Variants in MIER1 observed in about 807,000 individuals in gnomAD.
MIER1 encodes the protein mesoderm induction early response protein 1.
MIER1 carries 40 observed loss-of-function variants against 75.7 expected under a neutral mutation model. The ratio of observed to expected loss-of-function variants is 0.53; its 90% confidence interval spans 0.41 to 0.69. The LOEUF is 0.69. Among genes scored for constraint, MIER1 ranks in the 30% least tolerant of loss-of-function variants. The probability of loss-of-function intolerance (pLI) is 0.00; values close to 1 mark genes in which losing one functional copy is unlikely to be tolerated. For missense variants in MIER1, 574 were observed against 680.2 expected (o/e 0.84, Z 1.74); for synonymous variants, 213 against 223.4 (o/e 0.95, Z 0.42).
At chr1:66,955,143 T>A (rs1246874983) in intron 4 of MIER1, among the ~76,000 whole-genome samples, 1 of 152,150 alleles carries the variant, frequency 6.6e-6, no homozygotes, top group Non-Finnish European at 1.5e-5. Flanking sequence ...TTCCATGTAG[T>A]TAGTATGTCA....
chr1:66,968,713 C>A (rs954696981), intron 8 of MIER1, among the ~76,000 whole-genome samples: 4 of 152,184 alleles, frequency 2.6e-5, no homozygotes, highest in African/African-American at 7.2e-5. Flanking sequence ...CTCCTTTGGA[C>A]TTGTATCTGT....
At chr1:66,953,590 C>A (rs1005153245) in intron 4 of MIER1, among the ~76,000 whole-genome samples, 2 of 143,072 alleles carry the variant, frequency 1.4e-5, no homozygotes, top group African/African-American at 5.2e-5. Context: ...TAAGCATTTT[C>A]TTTTCCTTTT....
intron 4 of MIER1, among the ~76,000 whole-genome samples, chr1:66,951,331 G>A (rs185817640): frequency 6.6e-6 from 1 of 152,038 alleles, no homozygotes; most frequent in Non-Finnish European, 1.5e-5. Context: ...GTCTTGCTCT[G>A]TTGCCCAGGC....
chr1:66,969,852 G>A (rs1332071219), intron 8 of MIER1, among the ~76,000 whole-genome samples: 1 of 152,054 alleles, frequency 6.6e-6, no homozygotes, highest in Non-Finnish European at 1.5e-5. Context: ...TTATTCTTCA[G>A]TCTTATCCAA....
At chr1:66,978,348 A>G (rs1665184769) in intron 12 of MIER1, among the ~76,000 whole-genome samples, 1 of 152,172 alleles carries the variant, frequency 6.6e-6, no homozygotes, top group Non-Finnish European at 1.5e-5. Flanking sequence ...CCCACAGTAA[A>G]ACAATCTGAA....
chr1:66,959,296 C>G (rs192466306), intron 6 of MIER1, among the ~76,000 whole-genome samples: 1 of 151,964 alleles, frequency 6.6e-6, no homozygotes, highest in East Asian at 1.9e-4. Flanking sequence ...TTTTTACTTT[C>G]TTTGCCTCTT....
intron 8 of MIER1, among the ~76,000 whole-genome samples, chr1:66,964,990 G>C (rs1407838778): frequency 6.6e-6 from 1 of 152,116 alleles, no homozygotes; most frequent in Non-Finnish European, 1.5e-5. Flanking sequence ...GCAGTCAAGG[G>C]AACATCACAG....
intron 4 of MIER1, chr1:66,946,919 C>A: frequency 1.0e-6 from 1 of 985,214 alleles, no homozygotes; most frequent in Non-Finnish European, 1.2e-6. Flanking sequence ...TATTCAGTAT[C>A]TTTTGCAGAC....
chr1:66,925,214 G>A (rs1651226569), intron 1 of MIER1, 119 bp downstream of exon 1: 1 of 1,395,314 alleles, frequency 7.2e-7, no homozygotes, highest in Non-Finnish European at 9.3e-7. Flanking sequence ...TGTACCGCCC[G>A]GAAGACCCTT....
chr1:66,929,881 A>G (rs573946206), intron 2 of MIER1, among the ~76,000 whole-genome samples: 1 of 152,364 alleles, frequency 6.6e-6, no homozygotes, highest in South Asian at 2.1e-4. Flanking sequence ...TCACAGCAAC[A>G]TCCGTTTTTC....
chr1:66,969,043 T>C (rs527333167), intron 8 of MIER1, among the ~76,000 whole-genome samples: 1 of 152,280 alleles, frequency 6.6e-6, no homozygotes, highest in South Asian at 2.1e-4. Flanking sequence ...CCAGATTCAT[T>C]TTATCATGGT....
intron 2 of MIER1, chr1:66,930,171 G>C (rs1318327386): frequency 1.6e-6 from 2 of 1,289,970 alleles, no homozygotes; most frequent in Admixed American, 8.6e-5. Context: ...GTGCTCGCTG[G>C]TCTTTTCCCT....
At chr1:66,975,670 A>G (rs1174088885) in intron 11 of MIER1, among the ~76,000 whole-genome samples, 1 of 152,192 alleles carries the variant, frequency 6.6e-6, no homozygotes, top group African/African-American at 2.4e-5. Context: ...TGTCAGCATC[A>G]TTTAATTCCG....
At chr1:66,978,386 T>G (rs1377453149) in intron 12 of MIER1, among the ~76,000 whole-genome samples, 1 of 152,176 alleles carries the variant, frequency 6.6e-6, no homozygotes, top group East Asian at 1.9e-4. Flanking sequence ...GATTCACCCT[T>G]GGAAATCATG....
rs564245420 is a variant in MIER1, at chr1:66,958,204, G to T, written c.485G>T (p.Cys162Phe). ...EDADNDDNSG[C>F]SGENKEENIK... is the part of the protein sequence containing the mutation. ...GCTGATAATGATGACAACAGTGGCT[G>T]TAGTGGGGAAAATAAAGTAAGTCTA... The change falls in exon 5 of 14, where the codon TGT becomes TTT. Residue 162 changes from cysteine to phenylalanine, a missense_variant. Cys to Phe is a radical substitution (Grantham distance 205). This residue lies in a region of MIER1 where 309 missense variants were observed against 352.8 expected (regional missense o/e 0.88). Coordinates refer to ENST00000401041, the MANE Select transcript of MIER1 (RefSeq NM_001077700.3). 1 of 1,601,926 alleles carries T rather than the reference G, an allele frequency of 6.2e-7. No homozygotes were observed. The highest frequency in any genetic ancestry group is 8.5e-7 in the Non-Finnish European group (1 of 1,169,744).
chr1:66,950,812 C>T (rs1362808520), intron 4 of MIER1, among the ~76,000 whole-genome samples: 2 of 139,100 alleles, frequency 1.4e-5, no homozygotes, highest in Non-Finnish European at 3.1e-5. Flanking sequence ...AGCCCCAGCC[C>T]CAAGAGATTG....
chr1:66,941,368 C>T (rs1319394000), intron 3 of MIER1, among the ~76,000 whole-genome samples: 1 of 151,704 alleles, frequency 6.6e-6, no homozygotes, highest in African/African-American at 2.4e-5. Context: ...TGGGAGTAAT[C>T]TGGTCTTAGA....
intron 3 of MIER1, 85 bp downstream of exon 3, chr1:66,940,137 T>C: frequency 1.1e-6 from 1 of 951,984 alleles, no homozygotes; most frequent in Non-Finnish European, 1.6e-6. Flanking sequence ...AGTTAGACTA[T>C]TATCTGACTT....
At position 66,987,744 on chromosome 1, in the gene MIER1, C is replaced by G. The variant is rs909758767; in HGVS notation, c.*2844C>G. On this transcript the variant is annotated 3_prime_UTR_variant, in exon 14 of 14. Coordinates refer to ENST00000401041, the MANE Select transcript of MIER1 (RefSeq NM_001077700.3). ...TTTATTAGAGATTGTTTGAATGATG[C>G]ATGTTATTGACAAGGCAAATATATA... is the stretch of plus-strand genomic sequence containing the variant. 23 of 151,708 alleles carry G rather than the reference C, an allele frequency of 1.5e-4. No individual in the cohort carries two copies. Among genetic ancestry groups the G allele is most frequent in the African/African-American group, 5.6e-4 (23 of 40,978 alleles). The allele number at this position is 151,708 out of a possible 1,614,324, so 9.4% of individuals were successfully genotyped here.
Sources: gnomAD v4.1 joint callset for allele counts (sites outside exome capture counted in the v4.1 genomes callset) on GRCh38, gnomAD v4.1.1 for gene constraint, gnomAD v4.1.1 regional missense constraint, MANE v1.5 for transcripts, NCBI Gene and HGNC (gene_info 2026-07-23, HGNC 2026-07-21) for gene names.